The following URGCP variants were observed in gnomAD, a reference collection of about 807,000 sequenced individuals.
The protein encoded by URGCP is up-regulator of cell proliferation.
Under a neutral mutation model 24.6 loss-of-function variants are expected in URGCP, and 13 were observed. The observed-to-expected ratio is 0.53, with a 90% confidence interval of 0.34 to 0.84. URGCP has a LOEUF of 0.84. URGCP is among the 40% of genes least tolerant of loss of function. URGCP has a pLI of 0.01. For missense variants in URGCP, 899 were observed against 1,194.3 expected (o/e 0.75, Z 3.64); for synonymous variants, 444 against 487.2 (o/e 0.91, Z 1.17).
At chr7:43,893,469 A>C (rs1482551919) in intron 1 of URGCP, among the ~76,000 whole-genome samples, 1 of 152,230 alleles carries the variant, frequency 6.6e-6, no homozygotes, top group East Asian at 1.9e-4. Flanking sequence ...TACAGTAGGC[A>C]GTGACTGTAC....
intron 5 of URGCP, 87 bp downstream of exon 5, chr7:43,881,572 A>G: frequency 6.3e-7 from 1 of 1,590,282 alleles, no homozygotes; most frequent in Non-Finnish European, 8.6e-7. Context: ...TCCCCAGGTG[A>G]TTTGATACAG....
chr7:43,915,780 G>A (rs567228539), intron 1 of URGCP, among the ~76,000 whole-genome samples: 21 of 152,286 alleles, frequency 1.4e-4, no homozygotes, highest in Non-Finnish European at 2.5e-4. Context: ...AGGCTGAGGC[G>A]GGCAGATCAC....
intron 1 of URGCP, among the ~76,000 whole-genome samples, chr7:43,916,282 G>T (rs993780112): frequency 3.3e-5 from 5 of 152,086 alleles, no homozygotes; most frequent in African/African-American, 1.2e-4. Context: ...GCTTCTCTAC[G>T]CTACAGGCTT....
At chr7:43,901,708 T>C (rs1001162913) in intron 1 of URGCP, among the ~76,000 whole-genome samples, 16 of 152,232 alleles carry the variant, frequency 1.1e-4, no homozygotes, top group Admixed American at 5.9e-4. Context: ...TTTCACCCAG[T>C]GTAGAGGGCC....
intron 1 of URGCP, among the ~76,000 whole-genome samples, chr7:43,899,950 C>T (rs1271133560): frequency 6.6e-6 from 1 of 152,096 alleles, no homozygotes; most frequent in Non-Finnish European, 1.5e-5. Context: ...ACCTGGGCAA[C>T]ATAGTAAGAC....
At chr7:43,899,388 G>A (rs1292461384) in intron 1 of URGCP, among the ~76,000 whole-genome samples, 1 of 149,968 alleles carries the variant, frequency 6.7e-6, no homozygotes, top group Non-Finnish European at 1.5e-5. Context: ...CAAAATGCCA[G>A]GATTATAAGC....
At chr7:43,901,375 A>G (rs2095890345) in intron 1 of URGCP, among the ~76,000 whole-genome samples, 1 of 152,108 alleles carries the variant, frequency 6.6e-6, no homozygotes, top group African/African-American at 2.4e-5. Context: ...AAGTTTGGAG[A>G]GCTGTCCTAA....
At chr7:43,919,792 C>T in intron 1 of URGCP, 2 of 1,315,364 alleles carry the variant, frequency 1.5e-6, no homozygotes, top group East Asian at 2.3e-5. Flanking sequence ...AGGAAGTCTC[C>T]TTACCTGCCC....
At chr7:43,916,787 T>C (rs771442684) in intron 1 of URGCP, among the ~76,000 whole-genome samples, 3 of 130,906 alleles carry the variant, frequency 2.3e-5, no homozygotes, top group Non-Finnish European at 3.1e-5. Flanking sequence ...TTGCCGGGAC[T>C]CAGGGATACA....
Position 43,876,298 on chromosome 7 carries a change from C to T in URGCP, c.*369G>A. ...CAACTTCCCCACCTCTGTCCTGGGA[C>T]CACCTGCCCGCCTGGGCCTGCAGTG... On this transcript the variant is annotated 3_prime_UTR_variant, in exon 6 of 6. Transcript: ENST00000453200. 1 of 222,632 alleles carries T rather than the reference C, an allele frequency of 4.5e-6. No individual in the cohort carries two copies. Among genetic ancestry groups the T allele is most frequent in the Non-Finnish European group, 8.9e-6 (1 of 112,102 alleles). The allele number at this position is 222,632 out of a possible 1,614,324, so 13.8% of individuals were successfully genotyped here.
rs2232107 is a variant in URGCP, at chr7:43,877,183, G to A, written c.2280C>T (p.Ala760=). ...CAAATCTGTCCCCAGCTGACGTCAA[G>A]GCCCCACCTATCAAGCCCCCGGAGT... ...VIDSGGLIGG[A]LTSAGDRFEL... The change falls in exon 6 of 6, where the codon GCC becomes GCT. Residue 760 remains alanine, a synonymous_variant. Coordinates refer to ENST00000453200, the MANE Select transcript of URGCP (RefSeq NM_001077663.3). The A allele has an allele frequency of 3.2e-3, 5,242 of 1,614,162 alleles. 147 individuals carry two copies. In the African/African-American group the frequency reaches 0.06, roughly 19 times the overall value.
rs2095903447 is a variant in URGCP at position 43,906,555 on chromosome 7, C to A, written c.14+7G>T. 1 of 1,241,584 alleles carries A rather than the reference C, an allele frequency of 8.1e-7. No homozygotes were observed. 76.9% of individuals were successfully genotyped at this position (1,241,584 alleles called of 1,614,324 possible). On this transcript the variant is annotated splice_region_variant and intron_variant, in intron 1 of 5. Coordinates refer to ENST00000453200, the MANE Select transcript of URGCP (RefSeq NM_001077663.3). ...CGGGGGCGCAGGGCCTGCGAGGCGG[C>A]ACTCACCCGGGCGACGCCATGAGCG...
Position 43,920,263 on chromosome 7 carries a change from T to A in URGCP, c.-116+5869A>T, listed in dbSNP as rs181134111. On this transcript the variant is annotated intron_variant, in intron 1 of 5. Transcript: ENST00000426198. ...GCAGTGGATATAAATAAATTTTTTT[T>A]AAAAAGTGGATATCTGAGGGGAGTG... Among the ~76,000 whole-genome samples, 725 of 152,290 alleles carry A rather than the reference T, an allele frequency of 4.8e-3. 6 individuals are homozygous for A. The highest frequency in any genetic ancestry group is 0.016 in the African/African-American group (666 of 41,562).
At chr7:43,919,409 G>A (rs550839122) in intron 1 of URGCP, 11 of 878,934 alleles carry the variant, frequency 1.3e-5, no homozygotes, top group African/African-American at 3.3e-5. Context: ...CCATCATCTC[G>A]GCCAGCACCA....
At chr7:43,906,667 G>A (rs2095903864), upstream of URGCP, 1 of 1,057,690 alleles carries the variant, frequency 9.5e-7, no homozygotes, top group Non-Finnish European at 1.1e-6. Context: ...CCGGCCGCCC[G>A]CCCGCTCCGG....
At chr7:43,906,440 G>T (rs1335454124) in intron 1 of URGCP, 122 bp downstream of exon 1, 3 of 1,017,354 alleles carry the variant, frequency 2.9e-6, no homozygotes, top group South Asian at 4.6e-5. Context: ...GCGGGCGGGG[G>T]CGCCCCTGGC....
At chr7:43,926,370 C>A in exon 1 of URGCP, 2 of 410,646 alleles carry the variant, frequency 4.9e-6, no homozygotes, top group South Asian at 1.1e-4. Flanking sequence ...TCCCCTCGGC[C>A]GCGCCAGGAC....
At chr7:43,883,362 A>ATATATATT (rs1554289259) in intron 3 of URGCP, among the ~76,000 whole-genome samples, 1 of 88,288 alleles carries the variant, frequency 1.1e-5, no homozygotes, top group Non-Finnish European at 2.0e-5. Context: ...ATATATATAT[A>ATATATATT]TTTTTTTTTT....
intron 3 of URGCP, among the ~76,000 whole-genome samples, chr7:43,886,090 G>A (rs763537567): frequency 2.0e-5 from 3 of 152,100 alleles, no homozygotes; most frequent in Non-Finnish European, 4.4e-5. Context: ...TTACAATATC[G>A]CAATGCTTAC....
Sources: allele counts gnomAD v4.1 joint callset (sites outside exome capture counted in the v4.1 genomes callset), GRCh38; gene constraint gnomAD v4.1.1; transcripts MANE v1.5; gene names NCBI Gene and HGNC (gene_info 2026-07-23, HGNC 2026-07-21).